Variants in APLP2 observed in about 807,000 individuals in gnomAD.
APLP2 encodes the protein amyloid beta precursor like protein 2, also known as CDEI box-binding protein.
Under a neutral mutation model 89.9 loss-of-function variants are expected in APLP2, and 53 were observed. That is an observed-to-expected ratio of 0.59 (90% confidence interval 0.47 to 0.74). The LOEUF (loss-of-function observed/expected upper bound fraction) is 0.74. Among genes scored for constraint, APLP2 ranks in the 30% least tolerant of loss-of-function variants. APLP2 has a pLI of 0.00. For missense variants in APLP2, 973 were observed against 975.9 expected (o/e 1.00, Z 0.04); for synonymous variants, 372 against 348.6 (o/e 1.07, Z -0.75).
At chr11:130,114,094 T>C (rs1385819723) in intron 3 of APLP2, among the ~76,000 whole-genome samples, 16 of 152,232 alleles carry the variant, frequency 1.1e-4, no homozygotes, top group Non-Finnish European at 8.8e-5. Flanking sequence ...AATCAAGATT[T>C]TGTAGACAAT....
intron 1 of APLP2, among the ~76,000 whole-genome samples, chr11:130,105,196 T>C (rs1182332350): frequency 2.0e-5 from 3 of 152,208 alleles, no homozygotes; most frequent in Non-Finnish European, 4.4e-5. Flanking sequence ...AAGGATCACT[T>C]GAGCCCAAGA....
At position 130,110,586 on chromosome 11, in the gene APLP2, G is replaced by T. The variant is rs767962387; in HGVS notation, c.328G>T (p.Val110Phe). 3 of 1,613,832 alleles carry T rather than the reference G, an allele frequency of 1.9e-6. No homozygotes were observed. The highest frequency in any genetic ancestry group is 1.7e-6 in the Non-Finnish European group (2 of 1,179,970). ...AAATGTGATGGAGGCAAACCAGCGG[G>T]TTAGTATTGACAACTGGTGCCGGAG... ...ITNVMEANQR[V>F]SIDNWCRRDK... is the part of the protein sequence containing the mutation. The change falls in exon 3 of 17, where the codon GTT (valine) becomes TTT (phenylalanine). Residue 110 changes from valine (V) to phenylalanine (F), a missense_variant. Coordinates refer to ENST00000338167, the MANE Select transcript of APLP2 (RefSeq NM_001142276.2).
intron 1 of APLP2, among the ~76,000 whole-genome samples, chr11:130,078,105 T>A (rs1942446481): frequency 6.6e-6 from 1 of 152,178 alleles, no homozygotes; most frequent in Non-Finnish European, 1.5e-5. Flanking sequence ...CTTTTTGTAT[T>A]TCCTTATAGT....
In APLP2 at chr11:130,144,499, G is replaced by A. The variant is rs1186898126; in HGVS notation, c.*1051G>A. On this transcript the variant is annotated 3_prime_UTR_variant, in exon 17 of 17. Coordinates refer to ENST00000338167, the MANE Select transcript of APLP2 (RefSeq NM_001142276.2). Reference sequence around the variant, plus strand: ...CCCTGAAACTGAGTCTGTGGACACTGTGGAAAGCTTTGAACAATTGTGTTT... The same window carrying A: ...CCCTGAAACTGAGTCTGTGGACACTATGGAAAGCTTTGAACAATTGTGTTT... The A allele has an allele frequency of 6.6e-6, 1 of 152,342 alleles. No individual in the cohort carries two copies. Among genetic ancestry groups the A allele is most frequent in the Non-Finnish European group, 1.5e-5 (1 of 68,074 alleles). The allele number at this position is 152,342 out of a possible 1,614,324, so 9.4% of individuals were successfully genotyped here.
chr11:130,089,830 A>G (rs1341500279), intron 1 of APLP2, among the ~76,000 whole-genome samples: 2 of 152,178 alleles, frequency 1.3e-5, no homozygotes, highest in South Asian at 2.1e-4. Flanking sequence ...GTGTGCATGC[A>G]TGTCTGTCTG....
intron 13 of APLP2, among the ~76,000 whole-genome samples, chr11:130,139,829 C>T (rs531430466): frequency 2.0e-5 from 3 of 152,174 alleles, no homozygotes; most frequent in Non-Finnish European, 4.4e-5. Context: ...GTGGGAGATG[C>T]GGGAAGAAAT....
intron 2 of APLP2, among the ~76,000 whole-genome samples, chr11:130,110,264 T>C (rs1948382213): frequency 6.6e-6 from 1 of 152,236 alleles, no homozygotes; most frequent in Admixed American, 6.5e-5. Flanking sequence ...TGAATTTGTT[T>C]TGGGCTAAAA....
At chr11:130,122,763 T>C (rs1429270344) in intron 6 of APLP2, among the ~76,000 whole-genome samples, 1 of 152,186 alleles carries the variant, frequency 6.6e-6, no homozygotes, top group African/African-American at 2.4e-5. Flanking sequence ...AGAGACAACG[T>C]AGTCCGCCCT....
At chr11:130,116,474 G>T (rs1000791052) in intron 3 of APLP2, among the ~76,000 whole-genome samples, 31 of 152,020 alleles carry the variant, frequency 2.0e-4, no homozygotes, top group Admixed American at 5.2e-4. Context: ...TTTCCTTAGG[G>T]TGTGTATCTT....
In APLP2 at chr11:130,110,555, G is replaced by C. The variant is rs1302301638; in HGVS notation, c.297G>C (p.Gln99His). 3 of 1,613,814 alleles carry C rather than the reference G, an allele frequency of 1.9e-6. No homozygotes were observed. The highest frequency in any genetic ancestry group is 3.3e-5 in the Admixed American group (2 of 59,962). The change falls in exon 3 of 17, where the codon CAG (glutamine) becomes CAC (histidine). Residue 99 changes from glutamine (Q) to histidine (H), a missense_variant. Coordinates refer to ENST00000338167, the MANE Select transcript of APLP2 (RefSeq NM_001142276.2). ...CTTAACAGATGTATCCAGAGCTACA[G>C]ATCACAAATGTGATGGAGGCAAACC... ...QYCQEMYPEL[Q>H]ITNVMEANQR...
chr11:130,074,417 T>C (rs1484548566), intron 1 of APLP2, among the ~76,000 whole-genome samples: 5 of 152,308 alleles, frequency 3.3e-5, no homozygotes, highest in African/African-American at 1.2e-4. Context: ...GGTTTCACCA[T>C]ATTGGCCAGG....
chr11:130,070,861 G>T (rs1940892320), intron 1 of APLP2: 1 of 1,045,956 alleles, frequency 9.6e-7, no homozygotes, highest in Admixed American at 4.2e-5. Flanking sequence ...CAGTGGTTGT[G>T]CTTCGAGGTC....
chr11:130,070,591 C>T (rs1404710818), intron 1 of APLP2: 3 of 1,345,348 alleles, frequency 2.2e-6, no homozygotes, highest in South Asian at 1.8e-5. Context: ...GGACGCGGCC[C>T]CGGCCTTCGC....
At chr11:130,136,385 C>G (rs1465802651) in intron 13 of APLP2, among the ~76,000 whole-genome samples, 1 of 152,222 alleles carries the variant, frequency 6.6e-6, no homozygotes, top group African/African-American at 2.4e-5. Flanking sequence ...AGCTAAGCAT[C>G]TCAGCGGATG....
rs1023096250 is a variant in APLP2, at chr11:130,126,618, C to T, written c.1091-82C>T. 2.1e-5 allele frequency: 32 copies of T among 1,534,562 alleles called. No individual in the cohort carries two copies. In the East Asian group the frequency reaches 5.7e-4, roughly 27 times the overall value. Reference sequence around the variant, plus strand: ...TGCCACAAAACAAATTGAGTCCATCCTGCAGGTCCTGAGCTGGGTTTTCTT... The same window carrying T: ...TGCCACAAAACAAATTGAGTCCATCTTGCAGGTCCTGAGCTGGGTTTTCTT... On this transcript the variant is annotated intron_variant, in intron 7 of 16. Transcript: ENST00000338167.
At chr11:130,089,656 C>G (rs1944616306) in intron 1 of APLP2, among the ~76,000 whole-genome samples, 1 of 152,206 alleles carries the variant, frequency 6.6e-6, no homozygotes, top group Non-Finnish European at 1.5e-5. Flanking sequence ...ACTTAAGCAA[C>G]AGAAATTTAT....
At chr11:130,120,433 C>G (rs915624547) in intron 3 of APLP2, among the ~76,000 whole-genome samples, 7 of 152,090 alleles carry the variant, frequency 4.6e-5, no homozygotes, top group South Asian at 2.1e-4. Context: ...ATTATATTCC[C>G]CGTCACGTGT....
At chr11:130,109,380 CTG>C (rs747104360) in intron 1 of APLP2, 47 bp from the exon 2 acceptor site, 2 of 1,543,406 alleles carry the variant, frequency 1.3e-6, no homozygotes, top group African/African-American at 2.8e-5. Flanking sequence ...ACTGTTGCCT[CTG>C]TGCTAGCCTT....
chr11:130,075,089 G>A (rs1161515194), intron 1 of APLP2, among the ~76,000 whole-genome samples: 1 of 152,232 alleles, frequency 6.6e-6, no homozygotes, highest in Admixed American at 6.5e-5. Flanking sequence ...TTTGTGTCAA[G>A]TACAACTAAT....
Sources: allele counts gnomAD v4.1 joint callset (sites outside exome capture counted in the v4.1 genomes callset), GRCh38; gene constraint gnomAD v4.1.1; transcripts MANE v1.5; gene names NCBI Gene and HGNC (gene_info 2026-07-23, HGNC 2026-07-21).